The following HDAC10 variants were observed in gnomAD, a reference collection of about 807,000 sequenced individuals.
The protein encoded by HDAC10 is polyamine deacetylase HDAC10.
HDAC10 carries 90 observed loss-of-function variants against 82.3 expected under a neutral mutation model. The ratio of observed to expected loss-of-function variants is 1.09; its 90% CI spans 0.92 to 1.30. HDAC10 has a LOEUF of 1.30. HDAC10 is among the 50% of genes most tolerant of loss of function. The probability of loss-of-function intolerance (pLI) is 0.00; values close to 1 mark genes in which losing one functional copy is unlikely to be tolerated. For missense variants in HDAC10, 934 were observed against 876.3 expected (o/e 1.07, Z -0.83); for synonymous variants, 456 against 391.7 (o/e 1.16, Z -1.94).
In HDAC10 at chr22:50,245,293, G is replaced by T. The variant is rs1213779966; in HGVS notation, c.*214C>A. 2.9e-5 allele frequency: 18 copies of T among 616,406 alleles called. No individual in the cohort carries two copies. In the Admixed American group the frequency reaches 4.7e-4, roughly 16 times the overall value. The allele number at this position is 616,406 out of a possible 1,614,324, so 38.2% of individuals were successfully genotyped here. On this transcript the variant is annotated 3_prime_UTR_variant, in exon 20 of 20. Coordinates refer to ENST00000216271, the MANE Select transcript of HDAC10 (RefSeq NM_032019.6). ...GGTTGCATGGGCCTCGATGGGACGG[G>T]CCGGGGCGCGATGGGTGGGGCGGGG...
chr22:50,248,899 C>A lies in HDAC10; in HGVS notation c.757-9G>T, dbSNP rs76646287. The A allele has an allele frequency of 0.023, 37,677 of 1,609,704 alleles. 726 individuals are homozygous for A. Among genetic ancestry groups the A allele is most frequent in the East Asian group, 0.095 (4,234 of 44,784 alleles). ...ACCAGCTCAGGGTCAAACTACAGGCCAGGCCGGAGTGGGGAGGGTCGACAG... is the reference window on the plus strand; with the variant it reads ...ACCAGCTCAGGGTCAAACTACAGGCAAGGCCGGAGTGGGGAGGGTCGACAG... On this transcript the variant is annotated splice_polypyrimidine_tract_variant and intron_variant, in intron 8 of 19. Transcript: ENST00000216271. The surrounding 1 kb of genome is among the most constrained non-coding windows in gnomAD (Gnocchi z 5.4).
chr22:50,250,375 AAAGGCACG>A, intron 3 of HDAC10, 44 bp downstream of exon 3: 1 of 1,554,978 alleles, frequency 6.4e-7, no homozygotes, highest in South Asian at 1.1e-5. Context: ...GTGAACGCTC[AAAGGCACG>A]TGCATGTGTG....
intron 3 of HDAC10, 102 bp from the exon 4 acceptor site, chr22:50,250,262 G>C: frequency 7.8e-7 from 1 of 1,280,452 alleles, no homozygotes; most frequent in Non-Finnish European, 1.1e-6. Flanking sequence ...CTGCTGAGCA[G>C]AACAGGCCAG....
In HDAC10 at chr22:50,251,119, C is replaced by T; in HGVS notation, c.-87G>A. 18 of 1,429,668 alleles carry T rather than the reference C, an allele frequency of 1.3e-5. 2 individuals are homozygous for T. The South Asian group carries it at 1.5e-4, about 12-fold the overall frequency. 88.6% of individuals were successfully genotyped at this position (1,429,668 alleles called of 1,614,324 possible). A position where few individuals can be genotyped will look rare whatever the true frequency, so the allele number is the denominator to read the frequency against. On this transcript the variant is annotated 5_prime_UTR_variant, in exon 1 of 20. Coordinates refer to ENST00000216271, the MANE Select transcript of HDAC10 (RefSeq NM_032019.6). ...GTCCCCACCTTCGGCCGGGAGCAGC[C>T]GGAGGCCTGGGACCTGCCTGGGGCG...
intron 2 of HDAC10, 46 bp from the exon 3 acceptor site, chr22:50,250,569 G>T: frequency 6.7e-7 from 1 of 1,491,900 alleles, no homozygotes; most frequent in South Asian, 1.1e-5. Context: ...ACCAGCAGGA[G>T]CAGGGGGGCG....
rs2064916885 is a variant in HDAC10 at position 50,245,497 on chromosome 22, T to C, written c.*10A>G. The C allele has an allele frequency of 2.4e-6, 2 of 839,020 alleles. No individual in the cohort carries two copies. Among genetic ancestry groups the C allele is most frequent in the South Asian group, 2.7e-5 (2 of 74,576 alleles). The allele number at this position is 839,020 out of a possible 1,614,324, so 52.0% of individuals were successfully genotyped here. A position where few individuals can be genotyped will look rare whatever the true frequency, so the allele number is the denominator to read the frequency against. On this transcript the variant is annotated 3_prime_UTR_variant, in exon 20 of 20. Transcript: ENST00000216271. Reference sequence around the variant, plus strand: ...TTTCTGCGGTGTAAATGCTCCCACCTTGGCCGATTTCAAGCCACCAGGTGA... The same window carrying C: ...TTTCTGCGGTGTAAATGCTCCCACCCTGGCCGATTTCAAGCCACCAGGTGA...
chr22:50,245,897 C>A lies in HDAC10; in HGVS notation c.1833+13G>T. On this transcript the variant is annotated intron_variant, in intron 18 of 19. Transcript: ENST00000216271. Reference sequence around the variant, plus strand: ...CGTCCCACCCCGCAGCACCTCCACCCTGCCCAGCTTACCTCCTCCAGGAGG... The same window carrying A: ...CGTCCCACCCCGCAGCACCTCCACCATGCCCAGCTTACCTCCTCCAGGAGG... 6.4e-7 allele frequency: 1 copy of A among 1,563,030 alleles called. No individual in the cohort carries two copies. The highest frequency in any genetic ancestry group is 1.4e-5 in the African/African-American group (1 of 73,642).
At chr22:50,247,130 G>A (rs923653417) in intron 14 of HDAC10, 164 bp from the exon 15 acceptor site, 8 of 478,404 alleles carry the variant, frequency 1.7e-5, no homozygotes, top group Non-Finnish European at 2.9e-5. Context: ...AGATGCTTAC[G>A]TCTATAATTT....
In HDAC10 at chr22:50,247,831, A is replaced by G. The variant is rs748957830; in HGVS notation, c.1338-55T>C. On this transcript the variant is annotated intron_variant, in intron 13 of 19. Coordinates refer to ENST00000216271, the MANE Select transcript of HDAC10 (RefSeq NM_032019.6). ...GACACGGAGTGACCGCAGGTCAGGC[A>G]CACACAGGCACAGGTGTAGATGCGG... 6.8e-6 allele frequency: 11 copies of G among 1,612,640 alleles called. No individual in the cohort carries two copies. In the East Asian group the frequency reaches 2.2e-4, roughly 33 times the overall value.
Position 50,248,328 on chromosome 22 carries a change from TCA to T in HDAC10, c.1013+36_1013+37del, listed in dbSNP as rs1358174759. On this transcript the variant is annotated intron_variant, in intron 11 of 19. Transcript: ENST00000216271. The surrounding 1 kb of genome is among the most constrained non-coding windows in gnomAD (Gnocchi z 5.4). ...GACACAACAGTCGTGACACCTGGTC[TCA>T]CACCCCGGCCCTGCCCGCCCTACCT... 1 of 1,611,700 alleles carries T rather than the reference TCA, an allele frequency of 6.2e-7. No individual in the cohort carries two copies. The highest frequency in any genetic ancestry group is 1.1e-5 in the South Asian group (1 of 91,014).
At position 50,245,862 on chromosome 22, in the gene HDAC10, T is replaced by G. The variant is rs1482700702; in HGVS notation, c.1834-35A>C. On this transcript the variant is annotated intron_variant, in intron 18 of 19. Transcript: ENST00000216271. ...GGGCGAAGACGGAAGCAGTCACTGG[T>G]CCTTTCCCTCGTCCCACCCCGCAGC... 3.2e-6 allele frequency: 5 copies of G among 1,554,452 alleles called. 1 individual carries two copies. In the South Asian group the frequency reaches 3.5e-5, roughly 11 times the overall value.
Position 50,249,804 on chromosome 22 carries a change from G to T in HDAC10, c.494+56C>A. On this transcript the variant is annotated intron_variant, in intron 5 of 19. Transcript: ENST00000216271. This position sits in a 1 kb window ranked among gnomAD's most constrained non-coding sequence, Gnocchi z 4.4. ...CTGGCTGGGTTCTCTCGCCTCCTGCGCTGCCCCTTGCTGTGTGGCCTGGGC... is the reference window on the plus strand; with the variant it reads ...CTGGCTGGGTTCTCTCGCCTCCTGCTCTGCCCCTTGCTGTGTGGCCTGGGC... 2.5e-6 allele frequency: 4 copies of T among 1,599,696 alleles called. No homozygotes were observed. Among genetic ancestry groups the T allele is most frequent in the South Asian group, 1.1e-5 (1 of 90,478 alleles).
chr22:50,247,985 A>G lies in HDAC10; in HGVS notation c.1242T>C (p.Val414=). 6.2e-7 allele frequency: 1 copy of G among 1,612,862 alleles called. No homozygotes were observed. Among genetic ancestry groups the G allele is most frequent in the Non-Finnish European group, 8.5e-7 (1 of 1,179,988 alleles). The change falls in exon 13 of 20, where the codon GTT becomes GTC. Residue 414 remains valine, a synonymous_variant. Coordinates refer to ENST00000216271, the MANE Select transcript of HDAC10 (RefSeq NM_032019.6). ...LCPAPSVRTA[V]ALTTPDITLV... ...ATGTGATATCCGGCGTTGTCAGGGC[A>G]ACAGCGGTGCGGACAGAGGGTGCGG...
In HDAC10 at chr22:50,250,766, C is replaced by T. The variant is rs1422951845; in HGVS notation, c.194+5G>A. On this transcript the variant is annotated splice_donor_5th_base_variant and intron_variant, in intron 2 of 19. Coordinates refer to ENST00000216271, the MANE Select transcript of HDAC10 (RefSeq NM_032019.6). ...CCCCATCGTGGGGCCTGCCCCCGTC[C>T]TGACCTGTGCACCAGGCCCAGCTCC... 3 of 1,591,462 alleles carry T rather than the reference C, an allele frequency of 1.9e-6. No individual in the cohort carries two copies. Among genetic ancestry groups the T allele is most frequent in the Admixed American group, 1.7e-5 (1 of 58,402 alleles).
At position 50,250,789 on chromosome 22, in the gene HDAC10, T is replaced by C. The variant is rs778355683; in HGVS notation, c.176A>G (p.Glu59Gly). Residue 59 changes from glutamate (E) to glycine (G), a missense_variant, in exon 2 of 20, where the codon GAG becomes GGG. By Grantham distance (98) the Glu-to-Gly change is moderately conservative (BLOSUM62 -2). Coordinates refer to ENST00000216271, the MANE Select transcript of HDAC10 (RefSeq NM_032019.6). The stretch of plus-strand genomic sequence containing the variant: ...TCCTGACCTGTGCACCAGGCCCAGC[T>C]CCTCTTCCGAGGCCTCGCGGGCTGA... ...RLSAREASEE[E>G]LGLVHSPEYV... is the part of the protein sequence containing the mutation. 2 of 1,601,852 alleles carry C rather than the reference T, an allele frequency of 1.2e-6. No individual in the cohort carries two copies. Among genetic ancestry groups the C allele is most frequent in the East Asian group, 2.2e-5 (1 of 44,484 alleles).
intron 17 of HDAC10, 26 bp from the exon 18 acceptor site, chr22:50,246,118 C>G: frequency 6.3e-7 from 1 of 1,583,232 alleles, no homozygotes; most frequent in South Asian, 1.1e-5. Flanking sequence ...AGCCCAGCTC[C>G]TCATCTACGG....
chr22:50,246,608 G>A (rs1369691536), intron 16 of HDAC10, 71 bp downstream of exon 16: 7 of 1,466,642 alleles, frequency 4.8e-6, no homozygotes, highest in Non-Finnish European at 6.6e-6. Flanking sequence ...TCACCCTGGG[G>A]CCCAGGCACA....
Position 50,249,241 on chromosome 22 carries a change from A to G in HDAC10, c.691-73T>C. On this transcript the variant is annotated intron_variant, in intron 7 of 19. Coordinates refer to ENST00000216271, the MANE Select transcript of HDAC10 (RefSeq NM_032019.6). This position sits in a 1 kb window ranked among gnomAD's most constrained non-coding sequence, Gnocchi z 4.4. The stretch of plus-strand genomic sequence containing the variant: ...GGCCCGGGGGAGGGGGTGGGTGGGG[A>G]CCTGGGGCTTGAGGGTGAACTGTGG... 1 of 1,178,800 alleles carries G rather than the reference A, an allele frequency of 8.5e-7. No individual in the cohort carries two copies. Among genetic ancestry groups the G allele is most frequent in the Non-Finnish European group, 1.2e-6 (1 of 860,780 alleles). 73.0% of individuals were successfully genotyped at this position (1,178,800 alleles called of 1,614,324 possible).
rs746238527 is a variant in HDAC10 at position 50,250,849 on chromosome 22, C to T, written c.116G>A (p.Arg39Gln). 13 of 1,602,426 alleles carry T rather than the reference C, an allele frequency of 8.1e-6. No individual in the cohort carries two copies. The African/African-American group carries it at 1.3e-4, about 17-fold the overall frequency. Residue 39 changes from arginine to glutamine, a missense_variant, in exon 2 of 20, where the codon CGG becomes CAG. By Grantham distance (43) the Arg-to-Gln change is conservative. Coordinates refer to ENST00000216271, the MANE Select transcript of HDAC10 (RefSeq NM_032019.6). ...ACACCTCTGTTCCAGGCCGCGCTGC[C>T]GCAGGCGATCCAGGGCTGCGGTCAG... Reference protein sequence around the residue: ...ERLTAALDRLRQRGLEQRCLR... With the variant: ...ERLTAALDRLQQRGLEQRCLR...
Sources: allele counts gnomAD v4.1 joint callset, GRCh38; gene constraint gnomAD v4.1.1; non-coding constraint Gnocchi (gnomAD v3.1); transcripts MANE v1.5; gene names NCBI Gene and HGNC (gene_info 2026-07-23, HGNC 2026-07-21).